Variants in SNCAIP observed in about 807,000 individuals in gnomAD.
SNCAIP encodes synuclein alpha interacting protein.
A neutral mutation model predicts 86.7 loss-of-function variants in SNCAIP; 43 were observed. That is an observed-to-expected ratio of 0.50 (90% CI 0.39 to 0.64). The LOEUF is 0.64. Ranked by LOEUF, SNCAIP falls within the 30% of genes least tolerant of loss-of-function variation. The pLI is 0.00. For synonymous variants in SNCAIP, 417 were observed against 427.2 expected (o/e 0.98, Z 0.29); for missense variants, 981 against 1,103.1 (o/e 0.89, Z 1.57).
chr5:122,360,031 G>A (rs987087281), intron 1 of SNCAIP, among the ~76,000 whole-genome samples: 6 of 152,200 alleles, frequency 3.9e-5, no homozygotes, highest in Admixed American at 1.3e-4. Flanking sequence ...TCTTTATGCA[G>A]TCACAGTTGA....
At chr5:122,385,023 A>G (rs968356098) in intron 1 of SNCAIP, among the ~76,000 whole-genome samples, 1 of 152,138 alleles carries the variant, frequency 6.6e-6, no homozygotes, top group Non-Finnish European at 1.5e-5. Context: ...CAACTGGAAC[A>G]CTTCCTCCTG....
intron 2 of SNCAIP, among the ~76,000 whole-genome samples, chr5:122,402,870 A>G (rs1772120053): frequency 6.6e-6 from 1 of 152,216 alleles, no homozygotes; most frequent in Non-Finnish European, 1.5e-5. Flanking sequence ...TTGTCCTTAG[A>G]GGTAAAAAGC....
chr5:122,412,496 A>T (rs73287537), intron 3 of SNCAIP, among the ~76,000 whole-genome samples: 5,793 of 151,848 alleles, frequency 0.038, 361 homozygotes, highest in African/African-American at 0.13. Context: ...CTCTCTCCTC[A>T]TTTTTCTCCT....
At chr5:122,335,894 C>A (rs1198669257) in intron 1 of SNCAIP, among the ~76,000 whole-genome samples, 1 of 152,200 alleles carries the variant, frequency 6.6e-6, no homozygotes, top group Non-Finnish European at 1.5e-5. Context: ...CATCAGGCAA[C>A]ATCTTTCCCA....
At chr5:122,344,383 A>G (rs1338808835) in intron 1 of SNCAIP, among the ~76,000 whole-genome samples, 1 of 152,234 alleles carries the variant, frequency 6.6e-6, no homozygotes, top group East Asian at 1.9e-4. Flanking sequence ...AAGTATAATC[A>G]TTCTACTTAA....
intron 2 of SNCAIP, among the ~76,000 whole-genome samples, chr5:122,391,958 G>A (rs1359813174): frequency 6.6e-6 from 1 of 152,196 alleles, no homozygotes; most frequent in African/African-American, 2.4e-5. Context: ...TGATGAGAAG[G>A]TTGCTGTTTC....
chr5:122,352,285 A>G (rs895918015), intron 1 of SNCAIP, among the ~76,000 whole-genome samples: 4 of 152,180 alleles, frequency 2.6e-5, no homozygotes, highest in African/African-American at 9.7e-5. Context: ...TTAAAAGAAT[A>G]TGTTTTTATT....
At position 122,448,372 on chromosome 5, in the gene SNCAIP, A is replaced by G. The variant is rs150125368; in HGVS notation, c.1593-1473A>G. 3.1e-4 allele frequency among the ~76,000 whole-genome samples: 47 copies of G among 151,882 alleles called. No individual in the cohort carries two copies. The East Asian group carries it at 5.2e-3, about 17-fold the overall frequency. On this transcript the variant is annotated intron_variant, in intron 8 of 10. Coordinates refer to ENST00000261368, the MANE Select transcript of SNCAIP (RefSeq NM_005460.4). Reference sequence around the variant, plus strand: ...TGGGTCAAGCCAAGCTAGGCAGAACACACCTGTAGTCCCCACTACTTGGGA... The same window carrying G: ...TGGGTCAAGCCAAGCTAGGCAGAACGCACCTGTAGTCCCCACTACTTGGGA...
chr5:122,454,187 T>C (rs1474256164), intron 10 of SNCAIP, among the ~76,000 whole-genome samples: 1 of 152,172 alleles, frequency 6.6e-6, no homozygotes, highest in Non-Finnish European at 1.5e-5. Context: ...TGTGGATGTA[T>C]TTGTGTGTTG....
chr5:122,311,670 G>T (rs116557879), upstream of SNCAIP: 1 of 152,468 alleles, frequency 6.6e-6, no homozygotes, highest in Non-Finnish European at 1.5e-5. Context: ...AGCAAGGAAG[G>T]GGGTGGGGGG....
chr5:122,458,817 G>A (rs1446052374), intron 10 of SNCAIP, among the ~76,000 whole-genome samples: 1 of 152,160 alleles, frequency 6.6e-6, no homozygotes, highest in Non-Finnish European at 1.5e-5. Context: ...AGTAAAACAT[G>A]GCAAGCTCTG....
chr5:122,394,569 G>T (rs1219287857), intron 2 of SNCAIP, among the ~76,000 whole-genome samples: 1 of 152,194 alleles, frequency 6.6e-6, no homozygotes, highest in Non-Finnish European at 1.5e-5. Flanking sequence ...AAGGTTTAAA[G>T]CAGGGTTTTT....
intron 8 of SNCAIP, among the ~76,000 whole-genome samples, chr5:122,447,415 G>C (rs1782560562): frequency 6.6e-6 from 1 of 152,142 alleles, no homozygotes; most frequent in South Asian, 2.1e-4. Context: ...CTTCCTGAGG[G>C]CTACTATAGA....
intron 3 of SNCAIP, among the ~76,000 whole-genome samples, chr5:122,416,858 T>A (rs929806843): frequency 6.6e-6 from 1 of 152,190 alleles, no homozygotes; most frequent in African/African-American, 2.4e-5. Flanking sequence ...TTCAAAAGTA[T>A]GTCCTTGAAG....
intron 10 of SNCAIP, among the ~76,000 whole-genome samples, chr5:122,453,758 CTTT>C (rs72006645): frequency 5.9e-5 from 8 of 136,614 alleles, no homozygotes; most frequent in Non-Finnish European, 6.3e-5. Context: ...AAGACTATCA[CTTT>C]TTTTTTTTTT....
At chr5:122,440,902 T>G in intron 7 of SNCAIP, 148 bp downstream of exon 7, 1 of 758,774 alleles carries the variant, frequency 1.3e-6, no homozygotes, top group Non-Finnish European at 2.2e-6. Flanking sequence ...TATTTGTGTT[T>G]CCAGAAATCC....
At chr5:122,341,956 A>G (rs781296767) in intron 1 of SNCAIP, among the ~76,000 whole-genome samples, 2 of 152,162 alleles carry the variant, frequency 1.3e-5, no homozygotes, top group Non-Finnish European at 2.9e-5. Flanking sequence ...ATATAAAATA[A>G]AGGCAGTTTC....
intron 6 of SNCAIP, among the ~76,000 whole-genome samples, chr5:122,432,445 T>C (rs757361337): frequency 1.3e-5 from 2 of 152,176 alleles, no homozygotes; most frequent in Non-Finnish European, 2.9e-5. Context: ...AAAAAAATTA[T>C]GTCACAACAT....
At position 122,423,073 on chromosome 5, in the gene SNCAIP, C is replaced by A; in HGVS notation, c.336C>A (p.Asp112Glu). The change falls in exon 4 of 11, where the codon GAC becomes GAA. Residue 112 changes from aspartate (D) to glutamate (E), a missense_variant. Transcript: ENST00000261368. ...VVEYQKGGESDLGPQPQELGP... is the reference protein window; with the variant it reads ...VVEYQKGGESELGPQPQELGP... ...AGTACCAGAAAGGGGGTGAGTCTGA[C>A]CTGGGCCCCCAGCCTCAGGAGCTTG... The A allele has an allele frequency of 6.2e-7, 1 of 1,614,084 alleles. No individual in the cohort carries two copies. The highest frequency in any genetic ancestry group is 2.2e-5 in the East Asian group (1 of 44,852).
Sources: gnomAD v4.1 joint callset for allele counts (sites outside exome capture counted in the v4.1 genomes callset) on GRCh38, gnomAD v4.1.1 for gene constraint, MANE v1.5 for transcripts, NCBI Gene and HGNC (gene_info 2026-07-23, HGNC 2026-07-21) for gene names.